AHCYL1: variants seen among roughly 807,000 people sequenced by gnomAD.
AHCYL1 encodes S-adenosylhomocysteine hydrolase-like protein 1.
Under a neutral mutation model 79.3 loss-of-function variants are expected in AHCYL1, and 20 were observed. The ratio of observed to expected loss-of-function variants is 0.25; its 90% CI spans 0.18 to 0.37. The LOEUF (loss-of-function observed/expected upper bound fraction) is 0.37. Among genes scored for constraint, AHCYL1 ranks in the 10% least tolerant of loss-of-function variants. The pLI, the probability that AHCYL1 is intolerant of heterozygous loss-of-function variation, is 1.00. For synonymous variants in AHCYL1, 223 were observed against 242.2 expected, an observed-to-expected ratio of 0.92 and a Z score of 0.74; for missense variants, 330 against 673.6, an observed-to-expected ratio of 0.49 and a Z score of 5.65.
chr1:110,005,881 C>G (rs1260343478), intron 1 of AHCYL1, among the ~76,000 whole-genome samples: 1 of 152,098 alleles, frequency 6.6e-6, no homozygotes, highest in Non-Finnish European at 1.5e-5. Flanking sequence ...CTGCACAATT[C>G]TTTCAGCTCA....
At chr1:109,999,424 A>C (rs1419073144) in intron 1 of AHCYL1, among the ~76,000 whole-genome samples, 1 of 152,174 alleles carries the variant, frequency 6.6e-6, no homozygotes, top group Non-Finnish European at 1.5e-5. Context: ...CCTTTAACCA[A>C]CATTTCCTCA....
chr1:110,018,105 T>C (rs1016342750), intron 11 of AHCYL1, 89 bp downstream of exon 11: 26 of 1,373,796 alleles, frequency 1.9e-5, no homozygotes, highest in Non-Finnish European at 2.6e-5. Flanking sequence ...GTGAGACCTC[T>C]GTTCAGTATA....
intron 4 of AHCYL1, 28 bp from the exon 5 acceptor site, chr1:110,012,869 C>T: frequency 1.3e-6 from 2 of 1,582,028 alleles, no homozygotes; most frequent in East Asian, 2.3e-5. Flanking sequence ...TTCTCTTCCT[C>T]ACCCTGTCTT....
At chr1:110,001,290 G>A (rs914888450) in intron 1 of AHCYL1, among the ~76,000 whole-genome samples, 8 of 151,914 alleles carry the variant, frequency 5.3e-5, no homozygotes, top group Non-Finnish European at 7.4e-5. Flanking sequence ...AGGTTCAAGC[G>A]ATTCTCCTGC....
rs945069265 is a variant in AHCYL1, at chr1:110,021,928, C to T, written c.*248C>T. The stretch of plus-strand genomic sequence containing the variant: ...AAAGAAGGATTTTACTCTCCCAGCC[C>T]AGAAAGGTGATTCTTTCTTTACCAT... On this transcript the variant is annotated 3_prime_UTR_variant, in exon 17 of 17. Transcript: ENST00000369799. The T allele has an allele frequency of 1.1e-5, 5 of 451,534 alleles. No homozygotes were observed. The highest frequency in any genetic ancestry group is 4.2e-5 in the Admixed American group (1 of 24,094). The allele number at this position is 451,534 out of a possible 1,614,324, so 28.0% of individuals were successfully genotyped here.
intron 1 of AHCYL1, among the ~76,000 whole-genome samples, chr1:109,997,492 C>G (rs532974139): frequency 2.0e-5 from 3 of 152,292 alleles, no homozygotes; most frequent in East Asian, 3.9e-4. Context: ...AAAAATACTC[C>G]TTTTTGGTCT....
intron 1 of AHCYL1, among the ~76,000 whole-genome samples, chr1:109,991,577 C>T (rs1394791039): frequency 1.3e-5 from 2 of 152,184 alleles, no homozygotes; most frequent in African/African-American, 4.8e-5. Flanking sequence ...TACTTCTTCA[C>T]AATTTGAGGA....
At chr1:109,992,675 T>C (rs1171329511) in intron 1 of AHCYL1, among the ~76,000 whole-genome samples, 1 of 152,210 alleles carries the variant, frequency 6.6e-6, no homozygotes, top group African/African-American at 2.4e-5. Flanking sequence ...TGCTTCTCTT[T>C]TGCCTATTTG....
chr1:109,984,883 C>T lies in AHCYL1; in HGVS notation c.-170C>T. ...TGTCCGGCTGCCTTGGGCTGCCGAA[C>T]AGACAAGGCGTGGGCCACAGCACCT... On this transcript the variant is annotated 5_prime_UTR_variant, in exon 1 of 17. Transcript: ENST00000369799. 9.0e-7 allele frequency: 1 copy of T among 1,111,632 alleles called. No individual in the cohort carries two copies. Among genetic ancestry groups the T allele is most frequent in the Non-Finnish European group, 1.2e-6 (1 of 868,484 alleles). 68.9% of individuals were successfully genotyped at this position (1,111,632 alleles called of 1,614,324 possible). A position where few individuals can be genotyped will look rare whatever the true frequency, so the allele number is the denominator to read the frequency against.
chr1:110,014,269 T>A (rs1305102494), intron 5 of AHCYL1, among the ~76,000 whole-genome samples: 1 of 152,246 alleles, frequency 6.6e-6, no homozygotes, highest in Non-Finnish European at 1.5e-5. Context: ...TTTTCCTTTC[T>A]TCTACTTTAC....
chr1:109,999,045 C>T (rs965136140), intron 1 of AHCYL1, among the ~76,000 whole-genome samples: 3 of 151,926 alleles, frequency 2.0e-5, no homozygotes, highest in African/African-American at 7.3e-5. Flanking sequence ...TTATCCTAGC[C>T]ACTCAGGAGG....
chr1:110,000,074 T>C (rs1466147971), intron 1 of AHCYL1, among the ~76,000 whole-genome samples: 1 of 152,236 alleles, frequency 6.6e-6, no homozygotes, highest in African/African-American at 2.4e-5. Context: ...CCAGCACCAT[T>C]CAGCACAGGA....
chr1:110,008,000 T>G (rs1223421635), intron 1 of AHCYL1, among the ~76,000 whole-genome samples: 1 of 148,800 alleles, frequency 6.7e-6, no homozygotes, highest in Non-Finnish European at 1.5e-5. Context: ...GCTTATTTCA[T>G]TTAAGGAAGT....
intron 1 of AHCYL1, among the ~76,000 whole-genome samples, chr1:110,000,153 A>G (rs975271040): frequency 1.2e-4 from 18 of 152,240 alleles, no homozygotes; most frequent in Admixed American, 3.9e-4. Context: ...GTAACTTCTC[A>G]TGAAATAACC....
intron 1 of AHCYL1, among the ~76,000 whole-genome samples, chr1:109,994,265 T>A (rs1405883130): frequency 1.3e-5 from 2 of 151,710 alleles, no homozygotes; most frequent in Non-Finnish European, 2.9e-5. Context: ...TTTTGTGTTG[T>A]TTGTTTGTTT....
At chr1:110,002,224 C>T (rs1419720162) in intron 1 of AHCYL1, among the ~76,000 whole-genome samples, 2 of 152,226 alleles carry the variant, frequency 1.3e-5, no homozygotes, top group African/African-American at 4.8e-5. Flanking sequence ...ACACCTCTTA[C>T]TCCAGGTATT....
intron 10 of AHCYL1, 119 bp downstream of exon 10, chr1:110,017,702 A>C: frequency 1.8e-6 from 2 of 1,140,484 alleles, no homozygotes; most frequent in Non-Finnish European, 2.5e-6. Context: ...GAAGGCTAGG[A>C]CTGCTCTGTT....
Position 110,011,453 on chromosome 1 carries a change from T to C in AHCYL1, c.376+96T>C, listed in dbSNP as rs1316528791. 2.6e-5 allele frequency: 40 copies of C among 1,517,314 alleles called. 2 individuals are homozygous for C. The South Asian group carries it at 4.7e-4, about 18-fold the overall frequency. 94.0% of individuals were successfully genotyped at this position (1,517,314 alleles called of 1,614,324 possible). A position where few individuals can be genotyped will look rare whatever the true frequency, so the allele number is the denominator to read the frequency against. ...TAAGACTTGAAAGCTGACTTGAAAG[T>C]GTACTGGGAAGAAAGACAGTATTAT... On this transcript the variant is annotated intron_variant, in intron 3 of 16. Transcript: ENST00000369799.
intron 13 of AHCYL1, 124 bp downstream of exon 13, chr1:110,018,774 T>G (rs1557776406): frequency 6.9e-6 from 7 of 1,009,856 alleles, no homozygotes; most frequent in South Asian, 1.5e-5. Flanking sequence ...GAGAGAGAGA[T>G]ATTTCACAAA....
Sources: gnomAD v4.1 joint callset for allele counts (sites outside exome capture counted in the v4.1 genomes callset) on GRCh38, gnomAD v4.1.1 for gene constraint, MANE v1.5 for transcripts, NCBI Gene and HGNC (gene_info 2026-07-23, HGNC 2026-07-21) for gene names.